CSMD1: variants seen among roughly 807,000 people sequenced by gnomAD.
CSMD1 encodes the protein CUB and sushi domain-containing protein 1.
CSMD1 carries 213 observed loss-of-function variants against 417.5 expected under a neutral mutation model. That is an observed-to-expected ratio of 0.51 (90% CI 0.46 to 0.57). The LOEUF (loss-of-function observed/expected upper bound fraction) is 0.57. Ranked by LOEUF, CSMD1 falls within the 20% of genes least tolerant of loss-of-function variation. The probability of loss-of-function intolerance (pLI) is 0.00; values close to 1 mark genes in which losing one functional copy is unlikely to be tolerated. For missense variants in CSMD1, 6,923 were observed against 4,529.7 expected (o/e 1.53, Z -15.17); for synonymous variants, 2,862 against 1,736.8 (o/e 1.65, Z -16.11).
intron 1 of CSMD1, among the ~76,000 whole-genome samples, chr8:4,909,770 A>G (rs1212937304): frequency 6.6e-6 from 1 of 152,104 alleles, no homozygotes; most frequent in Non-Finnish European, 1.5e-5. Flanking sequence ...TCTCTGATCC[A>G]TGTACATTTG....
At chr8:3,935,773 G>C (rs965579730) in intron 5 of CSMD1, among the ~76,000 whole-genome samples, 1 of 152,016 alleles carries the variant, frequency 6.6e-6, no homozygotes, top group Non-Finnish European at 1.5e-5. Context: ...ATCAAATTAG[G>C]CCAATTAATA....
At chr8:4,140,041 G>C (rs1255900134) in intron 3 of CSMD1, among the ~76,000 whole-genome samples, 2 of 150,788 alleles carry the variant, frequency 1.3e-5, no homozygotes, top group Non-Finnish European at 2.9e-5. Context: ...AAGGATAGAA[G>C]ACACATTTGA....
rs1274529778 is a variant in CSMD1, at chr8:3,195,162, A to G, written c.5194+4552T>C. On this transcript the variant is annotated intron_variant, in intron 33 of 69. Coordinates refer to ENST00000635120, the MANE Select transcript of CSMD1 (RefSeq NM_033225.6). ...GAAAACAGCCAGGCATAAATATAAG[A>G]CAATTGAAAAAAGTAGCATGGATGA... 3.9e-5 allele frequency among the ~76,000 whole-genome samples: 6 copies of G among 152,142 alleles called. No homozygotes were observed. The South Asian group carries it at 1.2e-3, about 32-fold the overall frequency.
chr8:4,487,783 T>C (rs571269104), intron 2 of CSMD1, among the ~76,000 whole-genome samples: 2 of 152,120 alleles, frequency 1.3e-5, no homozygotes, highest in South Asian at 2.1e-4. Context: ...ATGTCCTAAA[T>C]ATACTTACAA....
At chr8:3,958,368 C>A (rs1052975570) in intron 5 of CSMD1, among the ~76,000 whole-genome samples, 1 of 147,302 alleles carries the variant, frequency 6.8e-6, no homozygotes, top group African/African-American at 2.5e-5. Context: ...AACTTTTAAG[C>A]TGTTTCACTC....
chr8:3,424,269 T>C (rs1813680901), intron 12 of CSMD1, among the ~76,000 whole-genome samples: 1 of 152,200 alleles, frequency 6.6e-6, no homozygotes, highest in South Asian at 2.1e-4. Flanking sequence ...ATCATATTTC[T>C]TTGCAAAAGC....
chr8:3,691,761 C>T (rs28751924), intron 7 of CSMD1, among the ~76,000 whole-genome samples: 44,543 of 151,898 alleles, frequency 0.29, 7,393 homozygotes, highest in South Asian at 0.41. Flanking sequence ...AGGCTCAATA[C>T]CATTTTTTAC....
intron 1 of CSMD1, among the ~76,000 whole-genome samples, chr8:4,950,651 G>T (rs1403277577): frequency 6.6e-6 from 1 of 152,088 alleles, no homozygotes; most frequent in Non-Finnish European, 1.5e-5. Flanking sequence ...GTTTTAAATG[G>T]CCAAGGATTT....
chr8:4,279,007 C>T (rs569325891), intron 3 of CSMD1, among the ~76,000 whole-genome samples: 1 of 152,284 alleles, frequency 6.6e-6, no homozygotes, highest in South Asian at 2.1e-4. Context: ...TATTTACTGA[C>T]AGTTGTTAAA....
In CSMD1 at chr8:4,237,928, C is replaced by G. The variant is rs144296775; in HGVS notation, c.415+182025G>C. ...AATAAAATGTGAAGCTTTCCTCTCA[C>G]TGGCGGAGAAGCAGAGTCTCCAGGA... On this transcript the variant is annotated intron_variant, in intron 3 of 69. Transcript: ENST00000635120. Among the ~76,000 whole-genome samples the G allele has an allele frequency of 8.9e-4, 135 of 152,308 alleles. 2 individuals are homozygous for G. The highest frequency in any genetic ancestry group is 3.4e-3 in the Middle Eastern group (1 of 294).
At chr8:3,380,110 T>G (rs1366402184) in intron 18 of CSMD1, among the ~76,000 whole-genome samples, 1 of 152,152 alleles carries the variant, frequency 6.6e-6, no homozygotes, top group African/African-American at 2.4e-5. Context: ...AAAGAAGACA[T>G]TTATGCAGCC....
chr8:4,709,022 C>T (rs906744790), intron 1 of CSMD1, among the ~76,000 whole-genome samples: 1 of 152,134 alleles, frequency 6.6e-6, no homozygotes, highest in South Asian at 2.1e-4. Flanking sequence ...AAATAAATGT[C>T]TATTGCTGAA....
chr8:3,194,601 G>A (rs1379588824), intron 33 of CSMD1, among the ~76,000 whole-genome samples: 2 of 151,146 alleles, frequency 1.3e-5, no homozygotes, highest in Non-Finnish European at 2.9e-5. Flanking sequence ...GAGACTACAG[G>A]CACATGCCAC....
intron 2 of CSMD1, among the ~76,000 whole-genome samples, chr8:4,478,798 A>G (rs1800937672): frequency 6.6e-6 from 1 of 152,216 alleles, no homozygotes. Flanking sequence ...AAATATTTAA[A>G]TATTCTTTGG....
intron 3 of CSMD1, among the ~76,000 whole-genome samples, chr8:4,223,665 G>A (rs1198760594): frequency 1.3e-5 from 2 of 152,194 alleles, no homozygotes; most frequent in African/African-American, 2.4e-5. Context: ...GTCTGTCTGT[G>A]CTCTTGGAAA....
chr8:4,050,892 T>C (rs772841524), intron 3 of CSMD1, among the ~76,000 whole-genome samples: 2 of 152,108 alleles, frequency 1.3e-5, no homozygotes, highest in Non-Finnish European at 1.5e-5. Context: ...AGATTAAAAA[T>C]AAGCCTACCT....
chr8:3,021,885 G>C (rs1305923576), intron 51 of CSMD1, among the ~76,000 whole-genome samples: 1 of 147,302 alleles, frequency 6.8e-6, no homozygotes, highest in Non-Finnish European at 1.5e-5. Flanking sequence ...ACAGCGTCCG[G>C]AATGCACCTG....
chr8:3,725,545 A>G (rs991771293), intron 6 of CSMD1, among the ~76,000 whole-genome samples: 1 of 152,130 alleles, frequency 6.6e-6, no homozygotes. Flanking sequence ...TGTCCCTCCC[A>G]TGAGCTGCTT....
chr8:3,721,170 A>G (rs1802147771), intron 6 of CSMD1, among the ~76,000 whole-genome samples: 1 of 151,022 alleles, frequency 6.6e-6, no homozygotes, highest in African/African-American at 2.4e-5. Context: ...CTGAAACACC[A>G]TTTTTTTTTC....
Sources: allele counts gnomAD v4.1 joint callset (sites outside exome capture counted in the v4.1 genomes callset), GRCh38; gene constraint gnomAD v4.1.1; transcripts MANE v1.5; gene names NCBI Gene and HGNC (gene_info 2026-07-23, HGNC 2026-07-21).